EFHC2: variants seen among roughly 807,000 people sequenced by gnomAD.
EFHC2 encodes EF-hand domain containing 2, also known as EF-hand domain-containing family member C2.
A neutral mutation model predicts 52.7 loss-of-function variants in EFHC2; 18 were observed. The ratio of observed to expected loss-of-function variants is 0.34; its 90% CI spans 0.24 to 0.51. EFHC2 has a LOEUF of 0.51. Among genes scored for constraint, EFHC2 ranks in the 20% least tolerant of loss-of-function variants. The pLI, the probability that EFHC2 is intolerant of heterozygous loss-of-function variation, is 0.97. For synonymous variants in EFHC2, 203 were observed against 204.1 expected (o/e 0.99, Z 0.04); for missense variants, 513 against 562.5 (o/e 0.91, Z 0.89).
chrX:44,261,265 G>A lies in EFHC2; in HGVS notation c.416C>T (p.Pro139Leu), dbSNP rs1428253085. The A allele has an allele frequency of 5.0e-6, 6 of 1,197,360 alleles. No individual in the cohort carries two copies. The highest frequency in any genetic ancestry group is 3.5e-5 in the African/African-American group (2 of 57,559). The change falls in exon 4 of 15, where the codon CCG (proline) becomes CTG (leucine). Residue 139 changes from proline (P) to leucine (L), a missense_variant. Physicochemically the swap from Pro to Leu is moderately conservative, Grantham distance 98. Transcript: ENST00000420999. ...ATAAAACTGATCCTCATCAGGAGGC[G>A]GAAGAGTAATCCGATGACGCCGGAT... is the stretch of plus-strand genomic sequence containing the variant. Reference protein sequence around the residue: ...TSIRRHRITLPPPDEDQFYTV... With the variant: ...TSIRRHRITLLPPDEDQFYTV...
At chrX:44,294,402 G>A (rs1170773467) in intron 2 of EFHC2, among the ~76,000 whole-genome samples, 3 of 110,275 alleles carry the variant, frequency 2.7e-5, no homozygotes, top group Non-Finnish European at 5.7e-5. Context: ...TCAGAAGAAA[G>A]ATGCTTGGAT....
intron 2 of EFHC2, among the ~76,000 whole-genome samples, chrX:44,283,189 T>C (rs2037721358): frequency 9.0e-6 from 1 of 110,584 alleles, no homozygotes; most frequent in Non-Finnish European, 1.9e-5. Context: ...CGGAAGCACT[T>C]TGTTTGTTTT....
At chrX:44,187,012 G>A (rs921310736) in intron 11 of EFHC2, among the ~76,000 whole-genome samples, 2 of 106,062 alleles carry the variant, frequency 1.9e-5, no homozygotes, top group Middle Eastern at 8.7e-3. Flanking sequence ...CCAGCTACTC[G>A]GGAGGCTGAG....
rs377105258 is a variant in EFHC2 at position 44,178,453 on chromosome X, G to A, written c.1863C>T (p.Ile621=). Residue 621 remains isoleucine, a synonymous_variant, in exon 12 of 15, where the codon ATC becomes ATT. Coordinates refer to ENST00000420999, the MANE Select transcript of EFHC2 (RefSeq NM_025184.4). ...EGTCSDMDFL[I]ALAHEKFKKN... ...TCTTGAACTTTTCGTGGGCCAGTGC[G>A]ATTAAGAAATCCATATCTGAACATG... 250 of 1,205,276 alleles carry A rather than the reference G, an allele frequency of 2.1e-4. No homozygotes were observed. The highest frequency in any genetic ancestry group is 2.4e-4 in the Non-Finnish European group (215 of 892,628).
intron 2 of EFHC2, among the ~76,000 whole-genome samples, chrX:44,276,989 G>A (rs868216578): frequency 1.8e-5 from 2 of 111,485 alleles, no homozygotes; most frequent in African/African-American, 3.3e-5. Context: ...GGCCGGGCAC[G>A]GTGACTCACG....
intron 11 of EFHC2, among the ~76,000 whole-genome samples, chrX:44,226,413 A>G (rs1207241521): frequency 7.2e-5 from 8 of 111,441 alleles, no homozygotes; most frequent in Admixed American, 2.9e-4. Context: ...GAGGGGAGAC[A>G]CAAAGCCAAC....
At chrX:44,337,501 C>A (rs746896165) in intron 1 of EFHC2, among the ~76,000 whole-genome samples, 1 of 111,525 alleles carries the variant, frequency 9.0e-6, no homozygotes, top group Non-Finnish European at 1.9e-5. Flanking sequence ...GGGTTGATAA[C>A]CCTTTGTGAG....
chrX:44,256,581 G>C (rs887861210), intron 4 of EFHC2, among the ~76,000 whole-genome samples: 1 of 111,487 alleles, frequency 9.0e-6, no homozygotes, highest in African/African-American at 3.3e-5. Context: ...GACTAACCCA[G>C]GAAGAAGTCA....
At position 44,148,636 on chromosome X, in the gene EFHC2, G is replaced by A. The variant is rs905777586; in HGVS notation, c.*159C>T. The A allele has an allele frequency of 1.1e-5, 5 of 464,738 alleles. No individual in the cohort carries two copies. The highest frequency in any genetic ancestry group is 1.8e-5 in the Non-Finnish European group (5 of 280,493). 38.3% of individuals were successfully genotyped at this position (464,738 alleles called of 1,213,427 possible). A position where few individuals can be genotyped will look rare whatever the true frequency, so the allele number is the denominator to read the frequency against. Reference sequence around the variant, plus strand: ...CGTCGGCAATGTAACATGATGTTCTGTAAAACTAACATGACAAAATAGGAT... The same window carrying A: ...CGTCGGCAATGTAACATGATGTTCTATAAAACTAACATGACAAAATAGGAT... On this transcript the variant is annotated 3_prime_UTR_variant, in exon 15 of 15. Coordinates refer to ENST00000420999, the MANE Select transcript of EFHC2 (RefSeq NM_025184.4).
At chrX:44,322,661 C>G (rs2038028624) in intron 1 of EFHC2, among the ~76,000 whole-genome samples, 1 of 111,920 alleles carries the variant, frequency 8.9e-6, no homozygotes, top group Non-Finnish European at 1.9e-5. Flanking sequence ...CTTCACGAGA[C>G]AGTGGTTAGG....
chrX:44,297,814 C>A (rs1430792639), intron 2 of EFHC2, among the ~76,000 whole-genome samples: 1 of 105,850 alleles, frequency 9.4e-6, no homozygotes, highest in Non-Finnish European at 1.9e-5. Context: ...ACTGCAAGGC[C>A]AGAAACAGGC....
chrX:44,179,172 TA>T (rs200238279), intron 11 of EFHC2, among the ~76,000 whole-genome samples: 47 of 100,943 alleles, frequency 4.7e-4, no homozygotes, highest in African/African-American at 7.5e-4. Flanking sequence ...TAGGCAGAGC[TA>T]AAAAAAAAAA....
chrX:44,187,036 T>C (rs1377955221), intron 11 of EFHC2, among the ~76,000 whole-genome samples: 1 of 105,121 alleles, frequency 9.5e-6, no homozygotes, highest in African/African-American at 3.5e-5. Context: ...GGAGGATCAT[T>C]TGAGCCAAGG....
In EFHC2 at chrX:44,159,113, G is replaced by A. The variant is rs371085121; in HGVS notation, c.2148+4809C>T. On this transcript the variant is annotated intron_variant, in intron 14 of 14. Coordinates refer to ENST00000420999, the MANE Select transcript of EFHC2 (RefSeq NM_025184.4). ...CCAGAGCTCCCTATGGGTTGGCCAA[G>A]GATATCTTTGGGCTTCCATCACAGT... 1.3e-3 allele frequency among the ~76,000 whole-genome samples: 143 copies of A among 112,106 alleles called. No individual in the cohort carries two copies. In the South Asian group the frequency reaches 0.053, roughly 41 times the overall value.
intron 3 of EFHC2, among the ~76,000 whole-genome samples, chrX:44,267,335 C>CA (rs1181539656): frequency 8.9e-6 from 1 of 111,928 alleles, no homozygotes; most frequent in Admixed American, 9.5e-5. Context: ...GAAATGAAAG[C>CA]AAGCCTTGAA....
rs764824303 is a variant in EFHC2 at position 44,209,702 on chromosome X, G to A, written c.1751+19947C>T. ...CTGGTACCAGTCCGTGGCCTGTTAG[G>A]AACTGGGCTGCACAGCAGGAGATGA... On this transcript the variant is annotated intron_variant, in intron 11 of 14. Coordinates refer to ENST00000420999, the MANE Select transcript of EFHC2 (RefSeq NM_025184.4). Among the ~76,000 whole-genome samples, 506 of 108,879 alleles carry A rather than the reference G, an allele frequency of 4.6e-3. 5 individuals are homozygous for A. The highest frequency in any genetic ancestry group is 0.016 in the African/African-American group (469 of 29,947). The allele number at this position is 108,879 out of a possible 115,157, so 94.5% of individuals were successfully genotyped here. A position where few individuals can be genotyped will look rare whatever the true frequency, so the allele number is the denominator to read the frequency against.
chrX:44,243,148 C>A (rs1188001207), intron 7 of EFHC2, among the ~76,000 whole-genome samples: 2 of 111,172 alleles, frequency 1.8e-5, no homozygotes, highest in Non-Finnish European at 3.8e-5. Flanking sequence ...GCTGTACAAT[C>A]TCAGAAGCAA....
chrX:44,333,808 T>TG (rs966951079), intron 1 of EFHC2, among the ~76,000 whole-genome samples: 2 of 111,394 alleles, frequency 1.8e-5, no homozygotes, highest in Non-Finnish European at 3.8e-5. Context: ...GGGAATCTAC[T>TG]GGGGGGCTCC....
intron 14 of EFHC2, among the ~76,000 whole-genome samples, chrX:44,157,798 C>T (rs1359271139): frequency 2.9e-5 from 3 of 103,483 alleles, no homozygotes; most frequent in Non-Finnish European, 5.9e-5. Flanking sequence ...GTCCCTTTAT[C>T]AAATCCATCT....
Sources: allele counts gnomAD v4.1 joint callset (sites outside exome capture counted in the v4.1 genomes callset), GRCh38; gene constraint gnomAD v4.1.1; transcripts MANE v1.5; gene names NCBI Gene and HGNC (gene_info 2026-07-23, HGNC 2026-07-21).